Variants in OTOGL observed in about 807,000 individuals in gnomAD.
OTOGL encodes the protein otogelin-like protein.
Under a neutral mutation model 318.5 loss-of-function variants are expected in OTOGL, and 285 were observed. That is an observed-to-expected ratio of 0.89 (90% CI 0.81 to 0.99). The LOEUF is 0.99. Among genes scored for constraint, OTOGL ranks in the 50% least tolerant of loss-of-function variants. OTOGL has a pLI of 0.00. For missense variants in OTOGL, 2,899 were observed against 2,845.6 expected (o/e 1.02, Z -0.43); for synonymous variants, 987 against 936.5 (o/e 1.05, Z -0.99).
At position 80,299,102 on chromosome 12, in the gene OTOGL, T is replaced by C. The variant is rs77243567; in HGVS notation, c.3063+2141T>C. On this transcript the variant is annotated intron_variant, in intron 27 of 58. Transcript: ENST00000547103. ...CTGAAAACAAAATTGACATTTTCAA[T>C]GGTACTTGAAATTCTTGTGCACACT... Among the ~76,000 whole-genome samples the C allele has an allele frequency of 1.3e-4, 20 of 152,334 alleles. No individual in the cohort carries two copies. In the East Asian group the frequency reaches 3.7e-3, roughly 28 times the overall value.
intron 15 of OTOGL, 45 bp from the exon 16 acceptor site, chr12:80,254,995 T>C (rs1404824343): frequency 1.4e-6 from 2 of 1,384,034 alleles, no homozygotes; most frequent in Non-Finnish European, 9.4e-7. Context: ...CTCCTCTATC[T>C]CCACCTCCTT....
intron 46 of OTOGL, among the ~76,000 whole-genome samples, chr12:80,353,907 T>A (rs1401518581): frequency 6.6e-6 from 1 of 152,170 alleles, no homozygotes; most frequent in African/African-American, 2.4e-5. Flanking sequence ...GCTACATAAT[T>A]TAGTAGAAAG....
Position 80,271,654 on chromosome 12 carries a change from T to A in OTOGL, c.2525T>A (p.Ile842Asn). 6.2e-7 allele frequency: 1 copy of A among 1,612,544 alleles called. No homozygotes were observed. The highest frequency in any genetic ancestry group is 8.5e-7 in the Non-Finnish European group (1 of 1,179,176). Residue 842 changes from isoleucine to asparagine, a missense_variant, in exon 24 of 59, where the codon ATC (isoleucine) becomes AAC (asparagine). Ile to Asn is a moderately radical substitution (Grantham distance 149). This residue lies in a region of OTOGL where 2,607 missense variants were observed against 2,524.9 expected (regional missense o/e 1.03). Coordinates refer to ENST00000547103, the MANE Select transcript of OTOGL (RefSeq NM_001378609.3). ...TCTGTGCTTATATCTGAAGTTCACA[T>A]CTGCCCAGAGGGAAAAGAGTATTTC... ...DELATPSAVH[I>N]CPEGKEYFDC... is the part of the protein sequence containing the mutation.
At chr12:80,178,878 T>C (rs1874721838) in intron 1 of OTOGL, among the ~76,000 whole-genome samples, 1 of 152,210 alleles carries the variant, frequency 6.6e-6, no homozygotes, top group Non-Finnish European at 1.5e-5. Flanking sequence ...CTGCCTAGTG[T>C]GGAAATTAAG....
chr12:80,235,467 CAAAAA>C (rs10600987), intron 9 of OTOGL, among the ~76,000 whole-genome samples: 3 of 86,956 alleles, frequency 3.5e-5, no homozygotes, highest in East Asian at 3.5e-4. Flanking sequence ...GACTCTGTCT[CAAAAA>C]AAAAAAAAAA....
At chr12:80,217,290 A>T (rs936320308) in intron 4 of OTOGL, among the ~76,000 whole-genome samples, 2 of 151,624 alleles carry the variant, frequency 1.3e-5, no homozygotes, top group Non-Finnish European at 2.9e-5. Context: ...GCTGGGGGGA[A>T]GACTGGATGA....
intron 1 of OTOGL, among the ~76,000 whole-genome samples, chr12:80,123,311 G>A (rs1189973829): frequency 3.9e-5 from 6 of 151,942 alleles, no homozygotes; most frequent in African/African-American, 1.5e-4. Context: ...GCGATAGTTT[G>A]CTGAGAATGA....
intron 26 of OTOGL, 94 bp downstream of exon 26, chr12:80,279,260 T>C (rs1392757726): frequency 8.8e-6 from 11 of 1,246,404 alleles, no homozygotes; most frequent in Non-Finnish European, 1.2e-5. Flanking sequence ...ATTCATGTGT[T>C]ATTTATAAAA....
intron 31 of OTOGL, 99 bp downstream of exon 31, chr12:80,313,731 G>T (rs1886800959): frequency 1.9e-6 from 2 of 1,039,178 alleles, no homozygotes; most frequent in Non-Finnish European, 2.7e-6. Context: ...AGACTCATGG[G>T]AATAGAATTA....
intron 9 of OTOGL, among the ~76,000 whole-genome samples, chr12:80,233,314 C>A (rs1019178838): frequency 6.6e-6 from 1 of 152,206 alleles, no homozygotes; most frequent in Non-Finnish European, 1.5e-5. Flanking sequence ...TAGCATGAAG[C>A]ACTTACTCAC....
chr12:80,358,544 G>T, intron 50 of OTOGL, 127 bp from the exon 51 acceptor site: 1 of 855,276 alleles, frequency 1.2e-6, no homozygotes. Flanking sequence ...CAATCTGACG[G>T]TGGGAGAGGT....
intron 44 of OTOGL, among the ~76,000 whole-genome samples, chr12:80,346,175 A>C (rs1889185542): frequency 6.6e-6 from 1 of 152,196 alleles, no homozygotes; most frequent in Non-Finnish European, 1.5e-5. Context: ...AAGTCTTAAG[A>C]CATTATTTTT....
In OTOGL at chr12:80,265,163, G is replaced by A. The variant is rs766369653; in HGVS notation, c.2177G>A (p.Gly726Asp). Residue 726 changes from glycine (G) to aspartate (D), a missense_variant, in exon 20 of 59, where the codon GGC becomes GAC. Around this residue, in one of 3 missense-constraint regions of OTOGL, gnomAD observed 2,607 missense variants for 2,524.9 expected, o/e 1.03. Transcript: ENST00000547103. ...CTTGCCCACTATGCCTACCTCTGCGGCCAGCACGGTGTTCCCATTGATTTC... is the reference window on the plus strand; with the variant it reads ...CTTGCCCACTATGCCTACCTCTGCGACCAGCACGGTGTTCCCATTGATTTC... ...NALAHYAYLC[G>D]QHGVPIDFRT... 7.4e-6 allele frequency: 12 copies of A among 1,613,736 alleles called. No homozygotes were observed. The highest frequency in any genetic ancestry group is 5.0e-5 in the Admixed American group (3 of 59,892).
intron 46 of OTOGL, among the ~76,000 whole-genome samples, chr12:80,354,650 T>C (rs1889761650): frequency 2.0e-5 from 3 of 152,104 alleles, no homozygotes; most frequent in South Asian, 4.1e-4. Context: ...GAAATGCATA[T>C]ATAGTTTCAG....
chr12:80,195,942 G>A (rs985696045), intron 1 of OTOGL, among the ~76,000 whole-genome samples: 4 of 152,164 alleles, frequency 2.6e-5, no homozygotes, highest in African/African-American at 9.7e-5. Context: ...ATTTTCTTGA[G>A]AACTGTGTCA....
chr12:80,148,597 G>T (rs972528846), intron 1 of OTOGL, among the ~76,000 whole-genome samples: 1 of 151,838 alleles, frequency 6.6e-6, no homozygotes, highest in African/African-American at 2.4e-5. Context: ...CTGAATGTTG[G>T]CCTGCCTTGC....
intron 43 of OTOGL, among the ~76,000 whole-genome samples, chr12:80,339,505 C>G (rs1020807828): frequency 6.6e-6 from 1 of 151,834 alleles, no homozygotes; most frequent in Non-Finnish European, 1.5e-5. Flanking sequence ...ACTGCTGTTA[C>G]TACGATGCTG....
chr12:80,180,417 C>G (rs1054068318), intron 1 of OTOGL, among the ~76,000 whole-genome samples: 6 of 152,162 alleles, frequency 3.9e-5, no homozygotes, highest in African/African-American at 1.2e-4. Flanking sequence ...ATCAAAAGCC[C>G]ATGGGCAACT....
At chr12:80,149,134 T>C in intron 1 of OTOGL, among the ~76,000 whole-genome samples, 1 of 152,366 alleles carries the variant, frequency 6.6e-6, no homozygotes, top group Admixed American at 6.5e-5. Context: ...GGCGCTCTGC[T>C]TTTTAGAGTT....
Sources: gnomAD v4.1 joint callset for allele counts (sites outside exome capture counted in the v4.1 genomes callset) on GRCh38, gnomAD v4.1.1 for gene constraint, gnomAD v4.1.1 regional missense constraint, MANE v1.5 for transcripts, NCBI Gene and HGNC (gene_info 2026-07-23, HGNC 2026-07-21) for gene names.